The following ZBBX variants were observed in gnomAD, a reference collection of about 807,000 sequenced individuals.
ZBBX encodes the protein zinc finger B-box domain containing, also known as zinc finger B-box domain-containing protein 1.
In ZBBX, 101 loss-of-function variants were observed where a neutral mutation model predicts 108.5. That is an observed-to-expected ratio of 0.93 (90% CI 0.79 to 1.10). The LOEUF is 1.10. ZBBX is among the 50% of genes least tolerant of loss of function. ZBBX has a pLI of 0.00. For synonymous variants in ZBBX, 356 were observed against 323.4 expected, an observed-to-expected ratio of 1.10 and a Z score of -1.08; for missense variants, 1,009 against 941.4, an observed-to-expected ratio of 1.07 and a Z score of -0.94.
intron 1 of ZBBX, among the ~76,000 whole-genome samples, chr3:167,385,571 AC>A (rs1187091145): frequency 1.3e-5 from 2 of 151,920 alleles, no homozygotes; most frequent in African/African-American, 4.8e-5. Flanking sequence ...AAACTTTTTG[AC>A]CCTTTTGTAA....
At chr3:167,321,748 CTA>C (rs1736480382) in intron 12 of ZBBX, among the ~76,000 whole-genome samples, 2 of 152,036 alleles carry the variant, frequency 1.3e-5, no homozygotes, top group African/African-American at 4.8e-5. Flanking sequence ...TAATTTAAAA[CTA>C]GATTCTGAAA....
rs771763280 is a variant in ZBBX, at chr3:167,333,920, T to G, written c.594A>C (p.Pro198=). The part of the protein sequence containing the change: ...VAHQFIKDVN[P]DEPKEENNST... ...AATTATTCTCCTCTTTGGGTTCATC[T>G]GGATTAACATCCTTTATAAACTGAT... Residue 198 remains proline, a synonymous_variant, in exon 10 of 22, where the codon CCA becomes CCC. Coordinates refer to ENST00000675490, the MANE Select transcript of ZBBX (RefSeq NM_001199201.2). 6.2e-7 allele frequency: 1 copy of G among 1,611,980 alleles called. No homozygotes were observed. Among genetic ancestry groups the G allele is most frequent in the Non-Finnish European group, 8.5e-7 (1 of 1,178,684 alleles).
intron 9 of ZBBX, among the ~76,000 whole-genome samples, chr3:167,347,822 C>A (rs1475816162): frequency 1.3e-5 from 2 of 152,012 alleles, no homozygotes; most frequent in Admixed American, 6.6e-5. Flanking sequence ...CAACTTTGGT[C>A]TCCACAGATG....
At chr3:167,329,048 C>A (rs1301979436) in intron 10 of ZBBX, among the ~76,000 whole-genome samples, 1 of 152,152 alleles carries the variant, frequency 6.6e-6, no homozygotes, top group Admixed American at 6.5e-5. Context: ...CATTAAAAGT[C>A]AGTGGAATGA....
At chr3:167,399,037 C>T (rs566251109) in intron 1 of ZBBX, among the ~76,000 whole-genome samples, 2 of 150,922 alleles carry the variant, frequency 1.3e-5, no homozygotes, top group East Asian at 1.9e-4. Flanking sequence ...CCCTATGCTA[C>T]CTTGAGACTC....
intron 8 of ZBBX, among the ~76,000 whole-genome samples, chr3:167,352,851 C>T (rs1742911353): frequency 6.6e-6 from 1 of 151,918 alleles, no homozygotes; most frequent in Non-Finnish European, 1.5e-5. Context: ...TGATTTACCA[C>T]ATAAATAGAA....
chr3:167,206,391 G>C, the ZBBX span, among the ~76,000 whole-genome samples: 1 of 151,862 alleles, frequency 6.6e-6, no homozygotes, highest in Non-Finnish European at 1.5e-5. Context: ...TTCATCTGTT[G>C]ATAGATGCTG....
chr3:167,239,248 C>T (rs766313336), downstream of ZBBX, among the ~76,000 whole-genome samples: 4 of 151,966 alleles, frequency 2.6e-5, no homozygotes, highest in Non-Finnish European at 4.4e-5. Flanking sequence ...GTCCCACCCA[C>T]GTTATGTAAA....
intron 4 of ZBBX, 36 bp downstream of exon 4, chr3:167,372,798 C>A: frequency 9.2e-7 from 1 of 1,091,930 alleles, no homozygotes; most frequent in Non-Finnish European, 1.4e-6. Flanking sequence ...AGCTTTGCAA[C>A]TATTCCTATT....
chr3:167,359,331 G>C (rs1744137370), intron 8 of ZBBX, among the ~76,000 whole-genome samples: 1 of 152,064 alleles, frequency 6.6e-6, no homozygotes, highest in African/African-American at 2.4e-5. Flanking sequence ...CCAGGGTAAA[G>C]GTAATCTTCT....
upstream of ZBBX, among the ~76,000 whole-genome samples, chr3:167,381,669 T>C (rs1747733902): frequency 6.6e-6 from 1 of 152,200 alleles, no homozygotes; most frequent in Non-Finnish European, 1.5e-5. Flanking sequence ...CAAAGATATT[T>C]TCAGCTTTCG....
intron 20 of ZBBX, among the ~76,000 whole-genome samples, chr3:167,256,769 C>A (rs1043060220): frequency 6.6e-6 from 1 of 152,042 alleles, no homozygotes; most frequent in Admixed American, 6.5e-5. Context: ...GTAATGATCT[C>A]CAGCTCCATC....
In ZBBX at chr3:167,295,976, A is replaced by G. The variant is rs923729402; in HGVS notation, c.1879+2329T>C. The stretch of plus-strand genomic sequence containing the variant: ...GTAAAGAAAACATCAGAACAATATC[A>G]TTTATAATCAGTGATGTAAAAATCT... On this transcript the variant is annotated intron_variant, in intron 18 of 21. Coordinates refer to ENST00000675490, the MANE Select transcript of ZBBX (RefSeq NM_001199201.2). Among the ~76,000 whole-genome samples, 6 of 151,504 alleles carry G rather than the reference A, an allele frequency of 4.0e-5. No individual in the cohort carries two copies. In the East Asian group the frequency reaches 5.8e-4, roughly 15 times the overall value.
chr3:167,232,731 T>A, the ZBBX span, among the ~76,000 whole-genome samples: 1 of 151,792 alleles, frequency 6.6e-6, no homozygotes, highest in Non-Finnish European at 1.5e-5. Flanking sequence ...TAAGAAGTGT[T>A]TATGATGATA....
upstream of ZBBX, among the ~76,000 whole-genome samples, chr3:167,381,636 T>C (rs1174549682): frequency 2.6e-5 from 4 of 152,140 alleles, no homozygotes; most frequent in African/African-American, 9.7e-5. Flanking sequence ...CTATTTCCCA[T>C]ACAGGCGCGC....
At chr3:167,262,215 C>A (rs892779495) in intron 20 of ZBBX, among the ~76,000 whole-genome samples, 1 of 150,284 alleles carries the variant, frequency 6.7e-6, no homozygotes, top group Non-Finnish European at 1.5e-5. Context: ...TCGGGGGGGG[C>A]GTCTCCCAGG....
At chr3:167,183,481 A>G in the ZBBX span, among the ~76,000 whole-genome samples, 8 of 152,330 alleles carry the variant, frequency 5.3e-5, no homozygotes, top group African/African-American at 1.9e-4. Flanking sequence ...AATTAAAGAC[A>G]CACACACAGA....
chr3:167,373,669 T>A (rs1746508898), intron 3 of ZBBX, 37 bp downstream of exon 3: 1 of 152,192 alleles, frequency 6.6e-6, no homozygotes, highest in Admixed American at 6.5e-5. Context: ...CAGAAAATGT[T>A]ATTGAGAAAA....
the ZBBX span, among the ~76,000 whole-genome samples, chr3:167,232,697 T>C: frequency 6.8e-6 from 1 of 147,784 alleles, no homozygotes; most frequent in African/African-American, 2.4e-5. Flanking sequence ...TCAGAGCTTG[T>C]TAAATAGACC....
Sources: gnomAD v4.1 joint callset for allele counts (sites outside exome capture counted in the v4.1 genomes callset) on GRCh38, gnomAD v4.1.1 for gene constraint, MANE v1.5 for transcripts, NCBI Gene and HGNC (gene_info 2026-07-23, HGNC 2026-07-21) for gene names.